Variants in SMYD3 observed in about 807,000 individuals in gnomAD.
SMYD3 encodes histone-lysine N-methyltransferase SMYD3.
In SMYD3, 36 loss-of-function variants were observed where a neutral mutation model predicts 57.7. That is an observed-to-expected ratio of 0.62 (90% CI 0.48 to 0.82). SMYD3 has a LOEUF of 0.82. SMYD3 is among the 40% of genes least tolerant of loss of function. The pLI is 0.00. For missense variants in SMYD3, 515 were observed against 538.8 expected (o/e 0.96, Z 0.44); for synonymous variants, 211 against 195.0 (o/e 1.08, Z -0.68).
intron 10 of SMYD3, among the ~76,000 whole-genome samples, chr1:245,840,466 C>T (rs889176464): frequency 1.3e-4 from 19 of 151,636 alleles, no homozygotes; most frequent in Non-Finnish European, 4.4e-5. Context: ...AAATCTCAAT[C>T]TAATAGTGGG....
chr1:245,826,707 G>A (rs945363203), intron 10 of SMYD3, among the ~76,000 whole-genome samples: 6 of 152,160 alleles, frequency 3.9e-5, no homozygotes, highest in East Asian at 1.9e-4. Flanking sequence ...TCACAGTTCC[G>A]CATGGCTGGG....
At chr1:245,793,270 C>A (rs887636410) in intron 10 of SMYD3, among the ~76,000 whole-genome samples, 3 of 151,836 alleles carry the variant, frequency 2.0e-5, no homozygotes, top group Admixed American at 6.6e-5. Flanking sequence ...GATCGTGCCA[C>A]TGCACTCCAG....
intron 5 of SMYD3, among the ~76,000 whole-genome samples, chr1:246,194,377 T>A (rs1364500973): frequency 1.3e-5 from 2 of 152,048 alleles, no homozygotes; most frequent in African/African-American, 4.8e-5. Flanking sequence ...CAAGCGGTTC[T>A]CCTGCCTCAG....
chr1:246,419,914 C>T (rs925115870), intron 1 of SMYD3, among the ~76,000 whole-genome samples: 3 of 152,206 alleles, frequency 2.0e-5, no homozygotes, highest in Non-Finnish European at 2.9e-5. Flanking sequence ...AAGTCTGTCA[C>T]GACTTGAGCT....
chr1:246,447,971 G>T (rs985400525), intron 1 of SMYD3, among the ~76,000 whole-genome samples: 5 of 152,130 alleles, frequency 3.3e-5, no homozygotes, highest in African/African-American at 1.2e-4. Context: ...GTATCTGTAC[G>T]TTCTTTTGCT....
intron 10 of SMYD3, among the ~76,000 whole-genome samples, chr1:245,799,783 C>T (rs2047764009): frequency 6.6e-6 from 1 of 152,142 alleles, no homozygotes; most frequent in Non-Finnish European, 1.5e-5. Context: ...GACCTCGGCA[C>T]ACCTGTCCAC....
In SMYD3 at chr1:245,949,408, C is replaced by A. The variant is rs527253768; in HGVS notation, c.532-19471G>T. On this transcript the variant is annotated intron_variant, in intron 5 of 11. Transcript: ENST00000490107. ...CTGCTAACAACCACACCACCCAGAG[C>A]CACTGAGGAAATTATAGACACCACG... Among the ~76,000 whole-genome samples, 3 of 152,230 alleles carry A rather than the reference C, an allele frequency of 2.0e-5. No homozygotes were observed. The East Asian group carries it at 5.8e-4, about 29-fold the overall frequency.
chr1:245,860,123 CAGTGGACTG>C (rs1196739327), intron 9 of SMYD3, among the ~76,000 whole-genome samples: 1 of 144,644 alleles, frequency 6.9e-6, no homozygotes, highest in Admixed American at 7.0e-5. Context: ...GAAAGTGGTT[CAGTGGACTG>C]AGTTTGACTG....
chr1:245,933,733 T>C (rs1473430601), intron 5 of SMYD3, among the ~76,000 whole-genome samples: 1 of 152,240 alleles, frequency 6.6e-6, no homozygotes, highest in East Asian at 1.9e-4. Flanking sequence ...TGTATTACCA[T>C]GTATTCAAAT....
intron 10 of SMYD3, among the ~76,000 whole-genome samples, chr1:245,849,465 T>C (rs2050840181): frequency 1.3e-5 from 2 of 152,084 alleles, no homozygotes; most frequent in Admixed American, 1.3e-4. Context: ...ATGAGTTATG[T>C]GTATGGACCA....
chr1:246,493,038 A>G (rs2068295167), intron 1 of SMYD3, among the ~76,000 whole-genome samples: 1 of 152,224 alleles, frequency 6.6e-6, no homozygotes, highest in Non-Finnish European at 1.5e-5. Flanking sequence ...TGATATTAGT[A>G]TGTACTTAAT....
chr1:246,277,818 A>G lies in SMYD3; in HGVS notation c.531+49383T>C, dbSNP rs753212622. On this transcript the variant is annotated intron_variant, in intron 5 of 11. Coordinates refer to ENST00000490107, the MANE Select transcript of SMYD3 (RefSeq NM_001167740.2). ...ATTTCTTCAAAATTCAAAACAGACA[A>G]AAGTCATCTATAGATACAAAGCAGA... Among the ~76,000 whole-genome samples the G allele has an allele frequency of 8.2e-4, 125 of 152,248 alleles. 4 individuals carry two copies. Among genetic ancestry groups the G allele is most frequent in the Non-Finnish European group, 6.3e-4 (43 of 68,038 alleles).
At chr1:246,022,247 C>T (rs1011695326) in intron 5 of SMYD3, among the ~76,000 whole-genome samples, 2 of 152,150 alleles carry the variant, frequency 1.3e-5, no homozygotes, top group African/African-American at 4.8e-5. Flanking sequence ...GGTTGGTTCT[C>T]AAACATTAAA....
chr1:246,384,474 C>A (rs1045962684), intron 1 of SMYD3, among the ~76,000 whole-genome samples: 1 of 152,012 alleles, frequency 6.6e-6, no homozygotes, highest in Non-Finnish European at 1.5e-5. Context: ...CGGCTCACTG[C>A]AACCTCCGCC....
At chr1:246,054,798 A>C (rs12060238) in intron 5 of SMYD3, among the ~76,000 whole-genome samples, 1 of 151,550 alleles carries the variant, frequency 6.6e-6, no homozygotes, top group Non-Finnish European at 1.5e-5. Context: ...AAGATACTTA[A>C]CATTAGTAAT....
rs538026873 is a variant in SMYD3, at chr1:245,903,337, G to A, written c.813+12193C>T. ...ATGAAGAAAGCCTAAGTGACATATC[G>A]GACATCATAAAGTAAAAAGTATTCA... On this transcript the variant is annotated intron_variant, in intron 8 of 11. Transcript: ENST00000490107. Among the ~76,000 whole-genome samples the A allele has an allele frequency of 8.1e-4, 123 of 152,146 alleles. 1 individual carries two copies. Among genetic ancestry groups the A allele is most frequent in the African/African-American group, 2.7e-3 (114 of 41,500 alleles).
chr1:246,318,555 C>T (rs1317671835), intron 5 of SMYD3, among the ~76,000 whole-genome samples: 1 of 152,150 alleles, frequency 6.6e-6, no homozygotes, highest in Non-Finnish European at 1.5e-5. Flanking sequence ...CCTGGCTCCA[C>T]GTAATTGCAT....
intron 10 of SMYD3, among the ~76,000 whole-genome samples, chr1:245,793,487 G>C (rs1031133791): frequency 8.6e-5 from 13 of 151,936 alleles, no homozygotes; most frequent in African/African-American, 3.1e-4. Flanking sequence ...GGCTTGCTTC[G>C]TCTCTCAAAT....
chr1:246,022,591 T>C (rs1320805225), intron 5 of SMYD3, among the ~76,000 whole-genome samples: 1 of 152,208 alleles, frequency 6.6e-6, no homozygotes, highest in Non-Finnish European at 1.5e-5. Flanking sequence ...TATGCTACAT[T>C]ATGTATATGG....
Sources: allele counts gnomAD v4.1 joint callset (sites outside exome capture counted in the v4.1 genomes callset), GRCh38; gene constraint gnomAD v4.1.1; transcripts MANE v1.5; gene names NCBI Gene and HGNC (gene_info 2026-07-23, HGNC 2026-07-21).